The following WNT7A variants were observed in gnomAD, a reference collection of about 807,000 sequenced individuals.
WNT7A encodes Wnt family member 7A.
A neutral mutation model predicts 28.2 loss-of-function variants in WNT7A; 16 were observed. The observed-to-expected ratio is 0.57, with a 90% confidence interval of 0.38 to 0.86. The LOEUF (loss-of-function observed/expected upper bound fraction) is 0.86, where lower values mean the gene tolerates loss of function less well. WNT7A is among the 40% of genes least tolerant of loss of function. The pLI, the probability that WNT7A is intolerant of heterozygous loss-of-function variation, is 0.00. For synonymous variants in WNT7A, 190 were observed against 195.9 expected (o/e 0.97, Z 0.25); for missense variants, 411 against 489.7 (o/e 0.84, Z 1.52).
chr3:13,860,322 C>G (rs73021628), intron 2 of WNT7A, among the ~76,000 whole-genome samples: 2,333 of 152,264 alleles, frequency 0.015, 32 homozygotes, highest in Non-Finnish European at 0.024. Context: ...CACCCCAGCT[C>G]CCTTCCTGGC....
intron 2 of WNT7A, among the ~76,000 whole-genome samples, chr3:13,860,314 C>T (rs932016194): frequency 2.6e-5 from 4 of 152,130 alleles, no homozygotes; most frequent in African/African-American, 7.2e-5. Flanking sequence ...CTCAGCCCCA[C>T]CCCAGCTCCC....
chr3:13,869,455 AAGAC>A (rs757727802), intron 2 of WNT7A, among the ~76,000 whole-genome samples: 133 of 149,088 alleles, frequency 8.9e-4, no homozygotes, highest in Non-Finnish European at 1.6e-3. Flanking sequence ...AAAAGAAAGA[AAGAC>A]AGAAAGAAAG....
chr3:13,850,321 G>A (rs1010540810), intron 3 of WNT7A, among the ~76,000 whole-genome samples: 3 of 152,208 alleles, frequency 2.0e-5, no homozygotes, highest in African/African-American at 7.2e-5. Flanking sequence ...GAGCATAGCT[G>A]AGCAGGCCTT....
intron 3 of WNT7A, among the ~76,000 whole-genome samples, chr3:13,853,459 T>C (rs1191041360): frequency 1.3e-5 from 2 of 152,030 alleles, no homozygotes; most frequent in African/African-American, 4.8e-5. Flanking sequence ...GCCAGTGTGG[T>C]CCCTAACTGG....
In WNT7A at chr3:13,853,436, G is replaced by A. The variant is rs1385894100; in HGVS notation, c.570+1096C>T. On this transcript the variant is annotated intron_variant, in intron 3 of 3. Coordinates refer to ENST00000285018, the MANE Select transcript of WNT7A (RefSeq NM_004625.4). ...AACCTGCAGGGGTTCCCTTTTCAGG[G>A]CCTCACAGACTAGCCAGTGTGGTCC... 2.6e-5 allele frequency among the ~76,000 whole-genome samples: 4 copies of A among 152,278 alleles called. No homozygotes were observed. In the East Asian group the frequency reaches 5.8e-4, roughly 22 times the overall value.
intron 3 of WNT7A, among the ~76,000 whole-genome samples, chr3:13,821,749 C>T (rs1375832827): frequency 6.6e-6 from 1 of 152,174 alleles, no homozygotes; most frequent in Non-Finnish European, 1.5e-5. Context: ...GCCCATCCAC[C>T]AATATCAAGA....
At chr3:13,863,649 A>T (rs1235647802) in intron 2 of WNT7A, 1 of 152,172 alleles carries the variant, frequency 6.6e-6, no homozygotes, top group Non-Finnish European at 1.5e-5. Flanking sequence ...TCTAAGCAAG[A>T]ATAAGGAAAG....
chr3:13,863,238 A>T (rs1215238556), intron 2 of WNT7A, among the ~76,000 whole-genome samples: 1 of 152,138 alleles, frequency 6.6e-6, no homozygotes, highest in Non-Finnish European at 1.5e-5. Flanking sequence ...GGGGCCTCCC[A>T]GATGTCCCCT....
intron 2 of WNT7A, among the ~76,000 whole-genome samples, chr3:13,869,385 GAGAA>G (rs1375245461): frequency 7.2e-6 from 1 of 137,964 alleles, no homozygotes; most frequent in Non-Finnish European, 1.6e-5. Context: ...GAGAAAGGGA[GAGAA>G]AGAAAGAGAG....
In WNT7A at chr3:13,879,789, C is replaced by A; in HGVS notation, c.28G>T (p.Gly10Cys). ...ATGCCCAGGCTGAGAAAGAGGTGGC[C>A]CAGGCAGCGCCGCGCTTTCCGGTTC... is the stretch of plus-strand genomic sequence containing the variant. MNRKARRCL[G>C]HLFLSLGMVY... Residue 10 changes from glycine to cysteine, a missense_variant, in exon 1 of 4, where the codon GGC becomes TGC. By Grantham distance (159) the Gly-to-Cys change is radical (BLOSUM62 -3). Transcript: ENST00000285018. The A allele has an allele frequency of 6.2e-7, 1 of 1,612,252 alleles. No homozygotes were observed. Among genetic ancestry groups the A allele is most frequent in the Non-Finnish European group, 8.5e-7 (1 of 1,179,020 alleles).
At chr3:13,856,896 G>GAAGAAGAAGAAGAAGAAA (rs1559303196) in intron 2 of WNT7A, among the ~76,000 whole-genome samples, 10 of 33,668 alleles carry the variant, frequency 3.0e-4, no homozygotes, top group East Asian at 8.7e-4. Context: ...AGAAGAAAAA[G>GAAGAAGAAGAAGAAGAAA]AAGAAGAAGA....
intron 3 of WNT7A, among the ~76,000 whole-genome samples, chr3:13,826,310 T>C (rs1694195590): frequency 6.6e-6 from 1 of 152,098 alleles, no homozygotes; most frequent in Non-Finnish European, 1.5e-5. Context: ...GTAAGTGCTA[T>C]GAAGGAGTGA....
rs80019728 is a variant in WNT7A at position 13,836,199 on chromosome 3, T to A, written c.571-16776A>T. The stretch of plus-strand genomic sequence containing the variant: ...AATTATATCTCAGTAAAGCTGGTTT[T>A]TAAAAAAAAAAAAAAAAAAAAGACA... On this transcript the variant is annotated intron_variant, in intron 3 of 3. Coordinates refer to ENST00000285018, the MANE Select transcript of WNT7A (RefSeq NM_004625.4). Among the ~76,000 whole-genome samples the A allele has an allele frequency of 4.8e-3, 672 of 139,306 alleles. 4 individuals are homozygous for A. The highest frequency in any genetic ancestry group is 0.017 in the African/African-American group (620 of 37,002). The allele number at this position is 139,306 out of a possible 152,430, so 91.4% of individuals were successfully genotyped here.
chr3:13,839,244 C>T (rs1205987259), intron 3 of WNT7A, among the ~76,000 whole-genome samples: 1 of 152,180 alleles, frequency 6.6e-6, no homozygotes, highest in Non-Finnish European at 1.5e-5. Flanking sequence ...TGCAGAATCT[C>T]AGGCCCTGCC....
Position 13,818,341 on chromosome 3 carries a change from C to T in WNT7A, c.*603G>A, listed in dbSNP as rs1162867515. ...CCAGCTTAAATTTCTGGATAAGTAG[C>T]AGCAAACAGCAAAAAAAAAAAAAAA... On this transcript the variant is annotated 3_prime_UTR_variant, in exon 4 of 4. Transcript: ENST00000285018. 2.8e-5 allele frequency: 1 copy of T among 35,350 alleles called. No homozygotes were observed. The highest frequency in any genetic ancestry group is 1.3e-3 in the South Asian group (1 of 798). The allele number at this position is 35,350 out of a possible 1,614,324, so 2.2% of individuals were successfully genotyped here.
intron 3 of WNT7A, among the ~76,000 whole-genome samples, chr3:13,829,728 G>T (rs1487470486): frequency 2.0e-5 from 3 of 152,178 alleles, no homozygotes; most frequent in Non-Finnish European, 4.4e-5. Context: ...AGGGCAGGGG[G>T]AGGAGAGAAG....
chr3:13,870,228 T>C (rs912228605), intron 2 of WNT7A, among the ~76,000 whole-genome samples: 1 of 152,144 alleles, frequency 6.6e-6, no homozygotes, highest in African/African-American at 2.4e-5. Flanking sequence ...AGTATTATAA[T>C]TAAGTTAAAA....
chr3:13,846,621 C>T (rs532784495), intron 3 of WNT7A, among the ~76,000 whole-genome samples: 1 of 152,254 alleles, frequency 6.6e-6, no homozygotes, highest in East Asian at 1.9e-4. Context: ...ACCTTCCCTC[C>T]ACCTGTACCA....
At chr3:13,864,138 T>G (rs1258426674) in intron 2 of WNT7A, among the ~76,000 whole-genome samples, 1 of 152,164 alleles carries the variant, frequency 6.6e-6, no homozygotes, top group Non-Finnish European at 1.5e-5. Flanking sequence ...CAGGAGCACA[T>G]GGCGGGAAAT....
Sources: allele counts gnomAD v4.1 joint callset (sites outside exome capture counted in the v4.1 genomes callset), GRCh38; gene constraint gnomAD v4.1.1; transcripts MANE v1.5; gene names NCBI Gene and HGNC (gene_info 2026-07-23, HGNC 2026-07-21).